The following CD2AP variants were observed in gnomAD, a reference collection of about 807,000 sequenced individuals.
The protein encoded by CD2AP is CD2-associated protein.
A neutral mutation model predicts 85.1 loss-of-function variants in CD2AP; 46 were observed. That is an observed-to-expected ratio of 0.54 (90% CI 0.43 to 0.69). The LOEUF (loss-of-function observed/expected upper bound fraction) is 0.69. Among genes scored for constraint, CD2AP ranks in the 30% least tolerant of loss-of-function variants. The probability of loss-of-function intolerance (pLI) is 0.00; values close to 1 mark genes in which losing one functional copy is unlikely to be tolerated. For missense variants in CD2AP, 769 were observed against 729.5 expected (o/e 1.05, Z -0.62); for synonymous variants, 255 against 252.9 (o/e 1.01, Z -0.08).
chr6:47,551,984 G>T (rs1582549175), intron 4 of CD2AP, among the ~76,000 whole-genome samples: 2 of 152,044 alleles, frequency 1.3e-5, no homozygotes, highest in Non-Finnish European at 2.9e-5. Flanking sequence ...AGCATCTGTT[G>T]GTTACAAGTG....
At chr6:47,553,059 G>A (rs913667187) in intron 4 of CD2AP, among the ~76,000 whole-genome samples, 1 of 151,168 alleles carries the variant, frequency 6.6e-6, no homozygotes, top group Admixed American at 6.6e-5. Context: ...GTTAGTTATA[G>A]TACCTCTTAA....
At chr6:47,617,517 C>G (rs1477501219) in intron 17 of CD2AP, among the ~76,000 whole-genome samples, 2 of 152,114 alleles carry the variant, frequency 1.3e-5, no homozygotes, top group Non-Finnish European at 1.5e-5. Context: ...ATCTTCCTTT[C>G]CTGTTCTTTT....
intron 17 of CD2AP, among the ~76,000 whole-genome samples, chr6:47,622,127 A>G (rs537335010): frequency 6.6e-6 from 1 of 152,186 alleles, no homozygotes; most frequent in South Asian, 2.1e-4. Flanking sequence ...GAAGTAGGGG[A>G]AAGCTGGCAG....
At chr6:47,583,151 G>A (rs1291411776) in intron 11 of CD2AP, among the ~76,000 whole-genome samples, 2 of 152,126 alleles carry the variant, frequency 1.3e-5, no homozygotes, top group African/African-American at 4.8e-5. Context: ...TGAGCCAAAA[G>A]TACAGAGTTC....
In CD2AP at chr6:47,508,608, C is replaced by T. The variant is rs143906760; in HGVS notation, c.165+5168C>T. Among the ~76,000 whole-genome samples the T allele has an allele frequency of 1.5e-3, 223 of 147,446 alleles. 1 individual carries two copies. The highest frequency in any genetic ancestry group is 5.2e-3 in the African/African-American group (208 of 39,674). ...TTGCCCAGGGTGGAGTGCAATAGCA[C>T]GATTTTGGCTCACTGCAACCTCTGC... On this transcript the variant is annotated intron_variant, in intron 2 of 17. Transcript: ENST00000359314.
At chr6:47,587,960 C>T (rs1351658143) in intron 11 of CD2AP, among the ~76,000 whole-genome samples, 1 of 152,100 alleles carries the variant, frequency 6.6e-6, no homozygotes, top group Non-Finnish European at 1.5e-5. Flanking sequence ...AGGCTCATGG[C>T]TTCAGCCACC....
chr6:47,607,586 C>T (rs1769310011), intron 14 of CD2AP, among the ~76,000 whole-genome samples: 1 of 152,026 alleles, frequency 6.6e-6, no homozygotes, highest in African/African-American at 2.4e-5. Context: ...TACTTGTCCT[C>T]ATGTCTAAAT....
At chr6:47,537,211 C>G (rs931003170) in intron 3 of CD2AP, among the ~76,000 whole-genome samples, 45 of 152,132 alleles carry the variant, frequency 3.0e-4, no homozygotes, top group African/African-American at 1.0e-3. Context: ...AAATAGTATG[C>G]TTTCTTATTT....
intron 12 of CD2AP, 115 bp from the exon 13 acceptor site, chr6:47,599,186 C>T (rs1399109538): frequency 3.6e-6 from 3 of 835,918 alleles, no homozygotes; most frequent in Admixed American, 2.2e-5. Context: ...AATGGTTTTA[C>T]AGAACAGAAA....
intron 2 of CD2AP, among the ~76,000 whole-genome samples, chr6:47,507,014 T>C (rs902953211): frequency 2.4e-4 from 36 of 152,242 alleles, no homozygotes; most frequent in Non-Finnish European, 4.0e-4. Context: ...CTCCTTCTGC[T>C]TTGTCAACTA....
intron 7 of CD2AP, 53 bp from the exon 8 acceptor site, chr6:47,576,956 T>C (rs1005581100): frequency 1.1e-6 from 1 of 917,634 alleles, no homozygotes; most frequent in African/African-American, 1.6e-5. Context: ...AAATAAGTAT[T>C]TGTTGAATGA....
At chr6:47,565,217 A>G (rs1436765609) in intron 5 of CD2AP, among the ~76,000 whole-genome samples, 3 of 152,276 alleles carry the variant, frequency 2.0e-5, no homozygotes, top group Admixed American at 1.3e-4. Flanking sequence ...CTATTCTGTT[A>G]CTGAGTGGTT....
chr6:47,516,090 T>C (rs1350935212), intron 2 of CD2AP, among the ~76,000 whole-genome samples: 2 of 152,194 alleles, frequency 1.3e-5, no homozygotes, highest in Non-Finnish European at 2.9e-5. Context: ...TATTATACAG[T>C]TTAAGGAAAT....
chr6:47,581,736 C>T (rs1768484186), intron 10 of CD2AP, among the ~76,000 whole-genome samples: 1 of 152,074 alleles, frequency 6.6e-6, no homozygotes, highest in African/African-American at 2.4e-5. Flanking sequence ...TTTTCATCAC[C>T]ACAGCTCTTC....
At position 47,577,011 on chromosome 6, in the gene CD2AP, A is replaced by G. The variant is rs764073537; in HGVS notation, c.811A>G (p.Lys271Glu). Reference protein sequence around the residue: ...KTDTEGKIKAKEYCRTLFAYE... With the variant: ...KTDTEGKIKAEEYCRTLFAYE... ...ATTATTTACATTCTTTATTTCAGCTAAAGAATATTGTAGAACATTATTTGC... is the reference window on the plus strand; with the variant it reads ...ATTATTTACATTCTTTATTTCAGCTGAAGAATATTGTAGAACATTATTTGC... Residue 271 changes from lysine (K) to glutamate (E), a missense_variant and splice_region_variant, in exon 8 of 18, where the codon AAA becomes GAA. By Grantham distance (56) the Lys-to-Glu change is moderately conservative. Coordinates refer to ENST00000359314, the MANE Select transcript of CD2AP (RefSeq NM_012120.3). The G allele has an allele frequency of 7.1e-7, 1 of 1,410,616 alleles. No homozygotes were observed. The highest frequency in any genetic ancestry group is 1.2e-5 in the South Asian group (1 of 86,794). The allele number at this position is 1,410,616 out of a possible 1,614,324, so 87.4% of individuals were successfully genotyped here.
intron 4 of CD2AP, among the ~76,000 whole-genome samples, chr6:47,549,912 T>TA (rs1324487987): frequency 9.9e-5 from 15 of 152,090 alleles, no homozygotes; most frequent in Admixed American, 6.6e-4. Flanking sequence ...CCCAAATACT[T>TA]ACAGCTAACT....
At chr6:47,573,836 A>G (rs1768224564) in intron 5 of CD2AP, among the ~76,000 whole-genome samples, 1 of 152,052 alleles carries the variant, frequency 6.6e-6, no homozygotes, top group African/African-American at 2.4e-5. Flanking sequence ...GGATTTCTTA[A>G]TTTTACTAAT....
chr6:47,574,093 A>G lies in CD2AP; in HGVS notation c.571A>G (p.Ile191Val), dbSNP rs867687839. 2.5e-6 allele frequency: 4 copies of G among 1,614,092 alleles called. No individual in the cohort carries two copies. Among genetic ancestry groups the G allele is most frequent in the Middle Eastern group, 1.7e-4 (1 of 6,058 alleles). The change falls in exon 6 of 18, where the codon ATA becomes GTA. Residue 191 changes from isoleucine to valine, a missense_variant. Ile to Val is a conservative substitution (Grantham distance 29). Coordinates refer to ENST00000359314, the MANE Select transcript of CD2AP (RefSeq NM_012120.3). ...ETVLAGPTSP[I>V]PSLGNVSETA... ...TGTTTTGGCTGGGCCTACTTCACCT[A>G]TACCTTCTCTGGGAAATGTGAGTGA...
chr6:47,624,534 T>C lies in CD2AP; in HGVS notation c.*307T>C, dbSNP rs568934751. ...GCACAGTAGTTTTTTTATTGAAACT[T>C]GTATTATTTTTAAAGAGATCTATAC... On this transcript the variant is annotated 3_prime_UTR_variant, in exon 18 of 18. Coordinates refer to ENST00000359314, the MANE Select transcript of CD2AP (RefSeq NM_012120.3). 85 of 310,754 alleles carry C rather than the reference T, an allele frequency of 2.7e-4. 1 individual carries two copies. Among genetic ancestry groups the C allele is most frequent in the African/African-American group, 1.7e-3 (80 of 46,280 alleles). The allele number at this position is 310,754 out of a possible 1,614,324, so 19.2% of individuals were successfully genotyped here. A position where few individuals can be genotyped will look rare whatever the true frequency, so the allele number is the denominator to read the frequency against.
Sources: gnomAD v4.1 joint callset for allele counts (sites outside exome capture counted in the v4.1 genomes callset) on GRCh38, gnomAD v4.1.1 for gene constraint, MANE v1.5 for transcripts, NCBI Gene and HGNC (gene_info 2026-07-23, HGNC 2026-07-21) for gene names.